DOCK4: variants seen among roughly 807,000 people sequenced by gnomAD.
DOCK4 encodes the protein dedicator of cytokinesis protein 4.
In DOCK4, 97 loss-of-function variants were observed where a neutral mutation model predicts 268.1. That is an observed-to-expected ratio of 0.36 (90% CI 0.31 to 0.43). The LOEUF is 0.43. Among genes scored for constraint, DOCK4 ranks in the 20% least tolerant of loss-of-function variants. The probability of loss-of-function intolerance (pLI) is 1.00; values close to 1 mark genes in which losing one functional copy is unlikely to be tolerated. For missense variants in DOCK4, 2,145 were observed against 2,455.7 expected (o/e 0.87, Z 2.67); for synonymous variants, 954 against 887.2 (o/e 1.08, Z -1.34).
chr7:111,990,403 A>G (rs959023574), intron 5 of DOCK4, among the ~76,000 whole-genome samples: 4 of 152,220 alleles, frequency 2.6e-5, no homozygotes, highest in African/African-American at 4.8e-5. Context: ...AGTGATATGA[A>G]AGTACTGAGG....
chr7:111,886,624 G>A (rs949599244), intron 16 of DOCK4, among the ~76,000 whole-genome samples: 4 of 152,060 alleles, frequency 2.6e-5, no homozygotes, highest in Non-Finnish European at 4.4e-5. Context: ...AGTCAAGGGA[G>A]GGAAGAAACA....
intron 40 of DOCK4, among the ~76,000 whole-genome samples, 177 bp from the exon 41 acceptor site, chr7:111,758,967 C>A (rs1186232996): frequency 6.6e-6 from 1 of 152,128 alleles, no homozygotes; most frequent in African/African-American, 2.4e-5. Flanking sequence ...CAAATCACTT[C>A]TCAAACTACA....
At chr7:111,834,245 T>G (rs527602122) in intron 26 of DOCK4, among the ~76,000 whole-genome samples, 15 of 152,350 alleles carry the variant, frequency 9.8e-5, no homozygotes, top group African/African-American at 3.4e-4. Flanking sequence ...ACATATTCTC[T>G]TTTATCTTCT....
At chr7:112,091,263 A>AAG (rs1239887337) in intron 1 of DOCK4, among the ~76,000 whole-genome samples, 2 of 152,186 alleles carry the variant, frequency 1.3e-5, no homozygotes, top group Non-Finnish European at 2.9e-5. Context: ...CTTAAGAAGA[A>AAG]AGAGAGGTAA....
chr7:111,836,401 T>C (rs1395297857), intron 25 of DOCK4, among the ~76,000 whole-genome samples: 2 of 151,962 alleles, frequency 1.3e-5, no homozygotes, highest in African/African-American at 4.8e-5. Context: ...CCTCACTCTA[T>C]AGCAAAGCTC....
At chr7:111,744,274 C>T (rs11770157) in intron 44 of DOCK4, among the ~76,000 whole-genome samples, 41,816 of 152,058 alleles carry the variant, frequency 0.28, 6,157 homozygotes, top group South Asian at 0.48. Flanking sequence ...GCAGCTGAGG[C>T]AGAGTAAGTC....
chr7:111,984,269 A>G (rs757986293), intron 7 of DOCK4, 37 bp downstream of exon 7: 2 of 1,565,656 alleles, frequency 1.3e-6, no homozygotes, highest in East Asian at 4.5e-5. Flanking sequence ...CCAGAAAATT[A>G]GCAGGAAGAC....
intron 1 of DOCK4, among the ~76,000 whole-genome samples, chr7:112,108,651 T>C (rs1351715615): frequency 6.6e-6 from 1 of 152,218 alleles, no homozygotes; most frequent in African/African-American, 2.4e-5. Flanking sequence ...TAAAAGAACA[T>C]TGACCAAACA....
At chr7:112,155,113 G>C in intron 1 of DOCK4, among the ~76,000 whole-genome samples, 1 of 152,152 alleles carries the variant, frequency 6.6e-6, no homozygotes, top group East Asian at 1.9e-4. Context: ...ACTCAGAGAG[G>C]TTAAATGGCT....
intron 21 of DOCK4, chr7:111,869,367 C>T: frequency 1.9e-6 from 1 of 517,726 alleles, no homozygotes; most frequent in African/African-American, 1.9e-5. Context: ...GGATTCAATC[C>T]TGAACAGTTT....
chr7:112,090,221 T>C (rs1329239141), intron 1 of DOCK4, among the ~76,000 whole-genome samples: 1 of 152,176 alleles, frequency 6.6e-6, no homozygotes, highest in Non-Finnish European at 1.5e-5. Flanking sequence ...TTAGAGGTTC[T>C]AAAAAGATAA....
At chr7:111,841,540 A>G (rs1803693668) in intron 25 of DOCK4, among the ~76,000 whole-genome samples, 1 of 152,148 alleles carries the variant, frequency 6.6e-6, no homozygotes, top group South Asian at 2.1e-4. Context: ...GCAATGACAG[A>G]GAAGGAATCA....
At chr7:112,082,526 A>G (rs1340365145) in intron 1 of DOCK4, among the ~76,000 whole-genome samples, 1 of 152,206 alleles carries the variant, frequency 6.6e-6, no homozygotes, top group Non-Finnish European at 1.5e-5. Context: ...CAGCAAATCA[A>G]ATAAATTTCG....
intron 10 of DOCK4, among the ~76,000 whole-genome samples, chr7:111,940,933 A>C (rs1795153082): frequency 6.6e-6 from 1 of 152,252 alleles, no homozygotes; most frequent in Non-Finnish European, 1.5e-5. Context: ...GGAAAAAATG[A>C]TTTTAAAAAT....
At chr7:111,784,044 T>G in intron 33 of DOCK4, 53 bp downstream of exon 33, 3 of 1,575,966 alleles carry the variant, frequency 1.9e-6, no homozygotes, top group Non-Finnish European at 2.6e-6. Context: ...TTAAATGCCT[T>G]AGCAACCACT....
At chr7:111,954,514 T>C (rs1796303639) in intron 8 of DOCK4, among the ~76,000 whole-genome samples, 1 of 152,042 alleles carries the variant, frequency 6.6e-6, no homozygotes, top group African/African-American at 2.4e-5. Flanking sequence ...GCCTGAAAGC[T>C]TAAGGGAATG....
At position 111,813,520 on chromosome 7, in the gene DOCK4, T is replaced by C. The variant is rs188692164; in HGVS notation, c.2931-1571A>G. On this transcript the variant is annotated intron_variant, in intron 27 of 52. Coordinates refer to ENST00000428084, the MANE Select transcript of DOCK4 (RefSeq NM_001363540.2). ...TGAAAAGGAAACAAGACAACCACGATTTCATGGGCATTCGCTCTACCATGA... is the reference window on the plus strand; with the variant it reads ...TGAAAAGGAAACAAGACAACCACGACTTCATGGGCATTCGCTCTACCATGA... 1.7e-3 allele frequency among the ~76,000 whole-genome samples: 265 copies of C among 152,328 alleles called. 2 individuals are homozygous for C. Among genetic ancestry groups the C allele is most frequent in the Non-Finnish European group, 3.0e-3 (204 of 68,026 alleles).
rs192715875 is a variant in DOCK4, at chr7:112,044,762, C to T, written c.38-40631G>A. 3.3e-5 allele frequency among the ~76,000 whole-genome samples: 5 copies of T among 152,210 alleles called. No homozygotes were observed. The East Asian group carries it at 9.7e-4, about 29-fold the overall frequency. ...TTTTTTTCTCATCATACCTTACATC[C>T]AATCGTTGAGCAAACTCACTGGATA... On this transcript the variant is annotated intron_variant, in intron 1 of 52. Transcript: ENST00000428084.
intron 39 of DOCK4, among the ~76,000 whole-genome samples, chr7:111,761,150 TC>T (rs1797380503): frequency 6.6e-6 from 1 of 151,244 alleles, no homozygotes; most frequent in Admixed American, 6.6e-5. Context: ...AACCTCCGTC[TC>T]CCACTTCAAG....
Sources: gnomAD v4.1 joint callset for allele counts (sites outside exome capture counted in the v4.1 genomes callset) on GRCh38, gnomAD v4.1.1 for gene constraint, MANE v1.5 for transcripts, NCBI Gene and HGNC (gene_info 2026-07-23, HGNC 2026-07-21) for gene names.